NIPBL: variants seen among roughly 807,000 people sequenced by gnomAD.
The protein encoded by NIPBL is nipped-B-like protein.
NIPBL carries 19 observed loss-of-function variants against 321.8 expected under a neutral mutation model. The observed-to-expected ratio is 0.06, with a 90% CI of 0.04 to 0.09. The LOEUF (loss-of-function observed/expected upper bound fraction) is 0.09. Ranked by LOEUF, NIPBL falls within the 10% of genes least tolerant of loss-of-function variation. NIPBL has a pLI of 1.00. For missense variants in NIPBL, 2,210 were observed against 3,327.0 expected (o/e 0.66, Z 8.26); for synonymous variants, 1,106 against 1,114.1 (o/e 0.99, Z 0.14).
intron 9 of NIPBL, among the ~76,000 whole-genome samples, chr5:36,977,130 A>G (rs1743565771): frequency 6.6e-6 from 1 of 152,020 alleles, no homozygotes; most frequent in Admixed American, 6.6e-5. Context: ...AATTTCTTTC[A>G]TGTTTTAAGA....
intron 34 of NIPBL, among the ~76,000 whole-genome samples, chr5:37,039,357 A>G (rs1298525606): frequency 6.6e-6 from 1 of 151,270 alleles, no homozygotes; most frequent in Non-Finnish European, 1.5e-5. Context: ...AATCTATAAT[A>G]TCATACCAGA....
chr5:36,988,092 CT>C (rs1371505280), intron 10 of NIPBL, among the ~76,000 whole-genome samples: 6 of 152,142 alleles, frequency 3.9e-5, no homozygotes, highest in African/African-American at 1.4e-4. Context: ...AAACTCTGTT[CT>C]AACAAAGAGT....
intron 1 of NIPBL, among the ~76,000 whole-genome samples, chr5:36,936,845 A>G (rs1392304186): frequency 7.0e-6 from 1 of 142,956 alleles, no homozygotes; most frequent in African/African-American, 2.5e-5. Flanking sequence ...GATTAAATGG[A>G]AAAAAAAAAA....
rs1015968459 is a variant in NIPBL, at chr5:37,065,873, C to T, written c.*981C>T. 3 of 152,530 alleles carry T rather than the reference C, an allele frequency of 2.0e-5. No homozygotes were observed. Among genetic ancestry groups the T allele is most frequent in the Non-Finnish European group, 4.4e-5 (3 of 67,966 alleles). The allele number at this position is 152,530 out of a possible 1,614,324, so 9.4% of individuals were successfully genotyped here. A position where few individuals can be genotyped will look rare whatever the true frequency, so the allele number is the denominator to read the frequency against. On this transcript the variant is annotated 3_prime_UTR_variant, in exon 47 of 47. Transcript: ENST00000282516. ...TGATGTCATGATGCTGATATTTATT[C>T]TTTAAACCTCGGGTAAAGGTAACCT...
intron 9 of NIPBL, among the ~76,000 whole-genome samples, chr5:36,983,909 A>G (rs1561112971): frequency 6.6e-6 from 1 of 152,020 alleles, no homozygotes; most frequent in Non-Finnish European, 1.5e-5. Flanking sequence ...GAAGAGTAGG[A>G]ACTGTTTCCT....
intron 1 of NIPBL, among the ~76,000 whole-genome samples, chr5:36,922,353 A>G (rs1331284942): frequency 2.0e-5 from 3 of 152,122 alleles, no homozygotes; most frequent in African/African-American, 7.2e-5. Flanking sequence ...TGATTTTTCA[A>G]TAAGAAAAAT....
intron 1 of NIPBL, among the ~76,000 whole-genome samples, chr5:36,924,956 C>T (rs1242377558): frequency 6.6e-6 from 1 of 152,018 alleles, no homozygotes; most frequent in Non-Finnish European, 1.5e-5. Context: ...ATCTTTTATT[C>T]TGTCATCAGG....
chr5:36,972,814 T>TAC (rs10633388), intron 8 of NIPBL, among the ~76,000 whole-genome samples: 1 of 32,236 alleles, frequency 3.1e-5, no homozygotes, highest in Non-Finnish European at 4.8e-5. Flanking sequence ...TAACCTGTTC[T>TAC]GTTAATTTTT....
intron 1 of NIPBL, among the ~76,000 whole-genome samples, chr5:36,937,771 A>T (rs1738608565): frequency 6.6e-6 from 1 of 152,114 alleles, no homozygotes. Context: ...TGCCTTACTA[A>T]CAAGGAGACT....
chr5:37,017,227 A>C, intron 24 of NIPBL, 65 bp downstream of exon 24: 1 of 1,449,736 alleles, frequency 6.9e-7, no homozygotes. Context: ...ATGTCCTTAC[A>C]TTAGTTTTGC....
At chr5:36,890,196 T>G (rs1482606047) in intron 1 of NIPBL, among the ~76,000 whole-genome samples, 1 of 152,184 alleles carries the variant, frequency 6.6e-6, no homozygotes, top group Non-Finnish European at 1.5e-5. Context: ...TACTTTTTGC[T>G]TTTACTTTTT....
intron 8 of NIPBL, among the ~76,000 whole-genome samples, chr5:36,974,023 A>G (rs1411057591): frequency 2.6e-5 from 4 of 152,224 alleles, no homozygotes; most frequent in East Asian, 1.9e-4. Flanking sequence ...TTTCAGGGAT[A>G]AAAACCCGGC....
rs183901526 is a variant in NIPBL, at chr5:36,915,862, G to A, written c.-79-37756G>A. On this transcript the variant is annotated intron_variant, in intron 1 of 46. Coordinates refer to ENST00000282516, the MANE Select transcript of NIPBL (RefSeq NM_133433.4). Reference sequence around the variant, plus strand: ...CAACTGAACATACCAGGAAGTCTTAGGCATTTGTATCAAACTGCCTAAGAA... The same window carrying A: ...CAACTGAACATACCAGGAAGTCTTAAGCATTTGTATCAAACTGCCTAAGAA... 1.6e-3 allele frequency among the ~76,000 whole-genome samples: 248 copies of A among 152,094 alleles called. 6 individuals carry two copies. The highest frequency in any genetic ancestry group is 5.5e-3 in the African/African-American group (227 of 41,490).
intron 1 of NIPBL, among the ~76,000 whole-genome samples, chr5:36,932,309 C>G (rs1458067406): frequency 6.6e-6 from 1 of 152,134 alleles, no homozygotes; most frequent in Non-Finnish European, 1.5e-5. Flanking sequence ...TTAATTTTCT[C>G]TCTAGTTATA....
chr5:37,013,270 G>C (rs1254514815), intron 21 of NIPBL, among the ~76,000 whole-genome samples: 2 of 147,360 alleles, frequency 1.4e-5, no homozygotes, highest in Non-Finnish European at 3.0e-5. Flanking sequence ...CTCACCTCGC[G>C]GATGGGGCGG....
intron 45 of NIPBL, among the ~76,000 whole-genome samples, chr5:37,061,257 A>G (rs1754637428): frequency 6.6e-6 from 1 of 152,198 alleles, no homozygotes; most frequent in Non-Finnish European, 1.5e-5. Context: ...ATTTTATTTT[A>G]GCAAAAATGA....
intron 6 of NIPBL, among the ~76,000 whole-genome samples, chr5:36,968,437 C>T (rs920734721): frequency 4.0e-5 from 6 of 151,772 alleles, no homozygotes; most frequent in Non-Finnish European, 7.4e-5. Context: ...GGCGTAGTGG[C>T]AGGCGCCTGT....
chr5:36,919,599 T>C (rs1328293837), intron 1 of NIPBL, among the ~76,000 whole-genome samples: 2 of 152,258 alleles, frequency 1.3e-5, no homozygotes, highest in South Asian at 2.1e-4. Context: ...GTTACAATGC[T>C]TATTGCAATA....
At chr5:36,934,305 A>T (rs778696302) in intron 1 of NIPBL, among the ~76,000 whole-genome samples, 1 of 152,162 alleles carries the variant, frequency 6.6e-6, no homozygotes, top group African/African-American at 2.4e-5. Flanking sequence ...CTAAGGTGCC[A>T]GTGAAATGAT....
Sources: allele counts gnomAD v4.1 joint callset (sites outside exome capture counted in the v4.1 genomes callset), GRCh38; gene constraint gnomAD v4.1.1; transcripts MANE v1.5; gene names NCBI Gene and HGNC (gene_info 2026-07-23, HGNC 2026-07-21).